SEPTIN1: variants seen among roughly 807,000 people sequenced by gnomAD.
The protein encoded by SEPTIN1 is septin 1.
In SEPTIN1, 52 loss-of-function variants were observed where a neutral mutation model predicts 50.7. The observed-to-expected ratio is 1.03, with a 90% CI of 0.82 to 1.29. The LOEUF (loss-of-function observed/expected upper bound fraction) is 1.29, where lower values mean the gene tolerates loss of function less well. Among genes scored for constraint, SEPTIN1 ranks in the 50% most tolerant of loss-of-function variants. SEPTIN1 has a pLI of 0.00. For synonymous variants in SEPTIN1, 204 were observed against 189.1 expected (o/e 1.08, Z -0.65); for missense variants, 455 against 490.7 (o/e 0.93, Z 0.69).
At position 30,378,916 on chromosome 16, in the gene SEPTIN1, TG is replaced by T. The variant is rs1291510438; in HGVS notation, c.941+101del. 8.1e-6 allele frequency: 9 copies of T among 1,108,362 alleles called. No individual in the cohort carries two copies. In the East Asian group the frequency reaches 2.3e-4, roughly 29 times the overall value. The allele number at this position is 1,108,362 out of a possible 1,614,324, so 68.7% of individuals were successfully genotyped here. A position where few individuals can be genotyped will look rare whatever the true frequency, so the allele number is the denominator to read the frequency against. ...GGAGGGAGGGAGAGAGAAGTCTGAG[TG>T]GTGAAGGCGGAGTCACGGGTGGTGG... On this transcript the variant is annotated intron_variant, in intron 9 of 10. Transcript: ENST00000321367.
chr16:30,378,667 CG>C lies in SEPTIN1; in HGVS notation c.974del (p.Pro325ArgfsTer13). The C allele has an allele frequency of 3.7e-6, 6 of 1,609,488 alleles. No individual in the cohort carries two copies. The highest frequency in any genetic ancestry group is 5.1e-6 in the Non-Finnish European group (6 of 1,179,876). On this transcript the variant is annotated frameshift_variant, in exon 10 of 11. Transcript: ENST00000321367. LOFTEE classifies it high-confidence loss of function. Reference protein sequence around the residue: ...KLSRQSATEIPLPMLPLADTE... With the variant: ...KLSRQSATEIXLPMLPLADTE... Reference sequence around the variant, plus strand: ...TGTCCGCCAGAGGCAGCATGGGCAGCGGGATCTCTGTGGCGCTCTGGCGGGA... The same window carrying C: ...TGTCCGCCAGAGGCAGCATGGGCAGCGGATCTCTGTGGCGCTCTGGCGGGA...
At chr16:30,380,991 C>T in intron 6 of SEPTIN1, 136 bp downstream of exon 6, 1 of 777,892 alleles carries the variant, frequency 1.3e-6, no homozygotes, top group Non-Finnish European at 2.2e-6. Flanking sequence ...TTACCACCCG[C>T]CTTCCTCAGA....
intron 9 of SEPTIN1, 151 bp downstream of exon 9, chr16:30,378,867 A>AGGGGGAGAGAGGGAGG: frequency 4.8e-6 from 2 of 414,274 alleles, no homozygotes; most frequent in Non-Finnish European, 4.0e-6. Context: ...AGAGAGGGAG[A>AGGGGGAGAGAGGGAGG]GACGGAGAGA....
upstream of SEPTIN1, chr16:30,382,747 A>C (rs1480031268): frequency 5.9e-6 from 9 of 1,536,158 alleles, no homozygotes; most frequent in Non-Finnish European, 7.8e-6. This position sits in a 1 kb window ranked among gnomAD's most constrained non-coding sequence, Gnocchi z 4.8. Context: ...TCAACCCTCC[A>C]TCCTTCACAC....
rs2049822340 is a variant in SEPTIN1 at position 30,379,994 on chromosome 16, G to A, written c.613C>T (p.Gln205Ter). The A allele has an allele frequency of 6.2e-7, 1 of 1,612,018 alleles. No homozygotes were observed. ...TCATCAGAGTCACATTCGGGGAACT[G>A]GTAGATGTGGATCTCCTCTTCCTTC... Reference protein sequence around the residue: ...QLKEEEIHIYQFPECDSDEDE... With the variant: ...QLKEEEIHIY The change falls in exon 7 of 11, where the codon CAG becomes TAG. Residue 205 changes from glutamine (Q) to a stop codon, truncating the protein, a stop_gained. Transcript: ENST00000321367. LOFTEE classifies it high-confidence loss of function.
Position 30,382,260 on chromosome 16 carries a change from C to A in SEPTIN1, c.109+15G>T. 1.2e-6 allele frequency: 2 copies of A among 1,613,368 alleles called. No homozygotes were observed. ...GGACATCCCCTCCGCAGTTCCCTCTCCAAAACCCCCAGACCTGCCACCATT... is the reference window on the plus strand; with the variant it reads ...GGACATCCCCTCCGCAGTTCCCTCTACAAAACCCCCAGACCTGCCACCATT... On this transcript the variant is annotated intron_variant, in intron 2 of 10. Coordinates refer to ENST00000321367, the MANE Select transcript of SEPTIN1 (RefSeq NM_001365977.2). This position sits in a 1 kb window ranked among gnomAD's most constrained non-coding sequence, Gnocchi z 4.8.
Position 30,381,734 on chromosome 16 carries a change from C to T in SEPTIN1, c.320+26G>A. On this transcript the variant is annotated intron_variant, in intron 4 of 10. Transcript: ENST00000321367. This position sits in a 1 kb window ranked among gnomAD's most constrained non-coding sequence, Gnocchi z 4.3. Reference sequence around the variant, plus strand: ...GGAGTCGCCACTGTGAAAGGCTGAGCCTCTGTCCCCTTTCCTCTTCCTCAC... The same window carrying T: ...GGAGTCGCCACTGTGAAAGGCTGAGTCTCTGTCCCCTTTCCTCTTCCTCAC... The T allele has an allele frequency of 1.9e-6, 3 of 1,612,588 alleles. No homozygotes were observed. Among genetic ancestry groups the T allele is most frequent in the Non-Finnish European group, 2.5e-6 (3 of 1,179,316 alleles).
rs1440171581 is a variant in SEPTIN1, at chr16:30,378,212, C to A, written c.*222G>T. On this transcript the variant is annotated 3_prime_UTR_variant, in exon 11 of 11. Coordinates refer to ENST00000321367, the MANE Select transcript of SEPTIN1 (RefSeq NM_001365977.2). Reference sequence around the variant, plus strand: ...GGACTCCGGAAGACAGTGATGCGGTCGGAGATTGTGCAGGCCCCGGGCCGG... The same window carrying A: ...GGACTCCGGAAGACAGTGATGCGGTAGGAGATTGTGCAGGCCCCGGGCCGG... 1.0e-5 allele frequency: 7 copies of A among 686,570 alleles called. No individual in the cohort carries two copies. The East Asian group carries it at 1.9e-4, about 19-fold the overall frequency. 42.5% of individuals were successfully genotyped at this position (686,570 alleles called of 1,614,324 possible).
chr16:30,382,055 CAG>C lies in SEPTIN1; in HGVS notation c.196+36_196+37del, dbSNP rs751272629. On this transcript the variant is annotated intron_variant, in intron 3 of 10. Coordinates refer to ENST00000321367, the MANE Select transcript of SEPTIN1 (RefSeq NM_001365977.2). This position sits in a 1 kb window ranked among gnomAD's most constrained non-coding sequence, Gnocchi z 4.8. ...AAAAGACTAGGGTGTAACCTGGGGA[CAG>C]GGGCTACTGCCTCAAGAGGGTGGGG... 6.3e-7 allele frequency: 1 copy of C among 1,583,218 alleles called. No individual in the cohort carries two copies. The highest frequency in any genetic ancestry group is 1.8e-5 in the Admixed American group (1 of 54,376).
In SEPTIN1 at chr16:30,379,942, G is replaced by C; in HGVS notation, c.665C>G (p.Ala222Gly). The change falls in exon 7 of 11, where the codon GCA becomes GGA. Residue 222 changes from alanine to glycine, a missense_variant. Physicochemically the swap from Ala to Gly is moderately conservative, Grantham distance 60. Coordinates refer to ENST00000321367, the MANE Select transcript of SEPTIN1 (RefSeq NM_001365977.2). Reference protein sequence around the residue: ...DEDEDFKRQDAEMKESIPFAV... With the variant: ...DEDEDFKRQDGEMKESIPFAV... The stretch of plus-strand genomic sequence containing the variant: ...CTTTGTTTCCCACACCTTCATCTCT[G>C]CATCCTGCCTCTTGAAGTCTTCATC... 6.5e-7 allele frequency: 1 copy of C among 1,538,330 alleles called. No homozygotes were observed. Among genetic ancestry groups the C allele is most frequent in the Non-Finnish European group, 9.0e-7 (1 of 1,112,436 alleles).
In SEPTIN1 at chr16:30,382,367, T is replaced by C; in HGVS notation, c.19-2A>G. The C allele has an allele frequency of 1.2e-6, 2 of 1,609,166 alleles. No individual in the cohort carries two copies. The highest frequency in any genetic ancestry group is 1.7e-6 in the Non-Finnish European group (2 of 1,177,058). On this transcript the variant is annotated splice_acceptor_variant, in intron 1 of 10. Coordinates refer to ENST00000321367, the MANE Select transcript of SEPTIN1 (RefSeq NM_001365977.2). LOFTEE classifies it high-confidence loss of function. This position sits in a 1 kb window ranked among gnomAD's most constrained non-coding sequence, Gnocchi z 4.8. ...AGCAAAACCCACGTACTCCTTGTCCTATGGATGGGGGTGGACAATATGAGG... is the reference window on the plus strand; with the variant it reads ...AGCAAAACCCACGTACTCCTTGTCCCATGGATGGGGGTGGACAATATGAGG...
chr16:30,382,372 A>T lies in SEPTIN1; in HGVS notation c.19-7T>A, dbSNP rs1385179926. On this transcript the variant is annotated splice_polypyrimidine_tract_variant and splice_region_variant and intron_variant, in intron 1 of 10. Coordinates refer to ENST00000321367, the MANE Select transcript of SEPTIN1 (RefSeq NM_001365977.2). This position sits in a 1 kb window ranked among gnomAD's most constrained non-coding sequence, Gnocchi z 4.8. ...AACCCACGTACTCCTTGTCCTATGG[A>T]TGGGGGTGGACAATATGAGGCTGCT... 1 of 1,606,492 alleles carries T rather than the reference A, an allele frequency of 6.2e-7. No homozygotes were observed. The highest frequency in any genetic ancestry group is 8.5e-7 in the Non-Finnish European group (1 of 1,175,332).
Position 30,381,978 on chromosome 16 carries a change from G to C in SEPTIN1, c.197-95C>G. 6.2e-7 allele frequency: 1 copy of C among 1,603,620 alleles called. No individual in the cohort carries two copies. Among genetic ancestry groups the C allele is most frequent in the South Asian group, 1.1e-5 (1 of 90,294 alleles). ...CACAGTTGCCTGCACCCATTTCCCAGGGGAGGAAAGTCTCAGAAAAAAAGC... is the reference window on the plus strand; with the variant it reads ...CACAGTTGCCTGCACCCATTTCCCACGGGAGGAAAGTCTCAGAAAAAAAGC... On this transcript the variant is annotated intron_variant, in intron 3 of 10. Coordinates refer to ENST00000321367, the MANE Select transcript of SEPTIN1 (RefSeq NM_001365977.2). This position sits in a 1 kb window ranked among gnomAD's most constrained non-coding sequence, Gnocchi z 4.3.
chr16:30,379,495 C>T lies in SEPTIN1; in HGVS notation c.715G>A (p.Val239Met). The T allele has an allele frequency of 6.2e-7, 1 of 1,614,012 alleles. No homozygotes were observed. The highest frequency in any genetic ancestry group is 8.5e-7 in the Non-Finnish European group (1 of 1,180,018). ...ACCGGCCGGTTCCCGCCATCCCTCA[C>T]CACCTCGCATGATCCCACGACTGCA... Reference protein sequence around the residue: ...PFAVVGSCEVVRDGGNRPVRG... With the variant: ...PFAVVGSCEVMRDGGNRPVRG... Residue 239 changes from valine to methionine, a missense_variant, in exon 8 of 11, where the codon GTG becomes ATG. Physicochemically the swap from Val to Met is conservative, Grantham distance 21. Transcript: ENST00000321367.
intron 6 of SEPTIN1, 86 bp from the exon 7 acceptor site, chr16:30,380,119 C>T (rs1184423542): frequency 2.7e-6 from 3 of 1,131,958 alleles, no homozygotes; most frequent in East Asian, 2.7e-5. Context: ...CACAGAGATA[C>T]TGGGTGGTCA....
At position 30,379,046 on chromosome 16, in the gene SEPTIN1, G is replaced by A; in HGVS notation, c.913C>T (p.Pro305Ser). The A allele has an allele frequency of 6.2e-7, 1 of 1,613,642 alleles. No individual in the cohort carries two copies. The highest frequency in any genetic ancestry group is 1.1e-5 in the South Asian group (1 of 91,084). ...RARCLQSLAR[P>S]GARDRASRSK... ...CGGCTGGCTCGATCGCGAGCCCCAG[G>A]CCGGGCCAGGCTCTGTAGGCAGCGG... Residue 305 changes from proline to serine, a missense_variant, in exon 9 of 11, where the codon CCT becomes TCT. Pro to Ser is a moderately conservative substitution (Grantham distance 74). Coordinates refer to ENST00000321367, the MANE Select transcript of SEPTIN1 (RefSeq NM_001365977.2).
rs762761036 is a variant in SEPTIN1, at chr16:30,382,180, C to T, written c.110-1G>A. ...GTGGATTTCCCTAGGCCTGACTCCC[C>T]TGTGGACAGAACAGGCCCAACTGGT... On this transcript the variant is annotated splice_acceptor_variant, in intron 2 of 10. Transcript: ENST00000321367. LOFTEE classifies it high-confidence loss of function. This position sits in a 1 kb window ranked among gnomAD's most constrained non-coding sequence, Gnocchi z 4.8. The T allele has an allele frequency of 1.2e-6, 2 of 1,611,440 alleles. No individual in the cohort carries two copies. The highest frequency in any genetic ancestry group is 1.7e-6 in the Non-Finnish European group (2 of 1,178,810).
intron 8 of SEPTIN1, 46 bp downstream of exon 8, chr16:30,379,389 C>A: frequency 6.4e-7 from 1 of 1,551,954 alleles, no homozygotes. Context: ...ACCCAGAGGC[C>A]CCGGGCTCCC....
At position 30,378,523 on chromosome 16, in the gene SEPTIN1, G is replaced by C; in HGVS notation, c.1033-3C>G. The stretch of plus-strand genomic sequence containing the variant: ...AGCATCTCTTGCATGCGGCGCAGCT[G>C]TGCAGGGCGAGATTGCAGGCGGTGA... On this transcript the variant is annotated splice_region_variant and splice_polypyrimidine_tract_variant and intron_variant, in intron 10 of 10. Transcript: ENST00000321367. 1 of 1,597,012 alleles carries C rather than the reference G, an allele frequency of 6.3e-7. No homozygotes were observed. Among genetic ancestry groups the C allele is most frequent in the South Asian group, 1.1e-5 (1 of 90,060 alleles).
Sources: allele counts gnomAD v4.1 joint callset, GRCh38; gene constraint gnomAD v4.1.1; non-coding constraint Gnocchi (gnomAD v3.1); transcripts MANE v1.5; gene names NCBI Gene and HGNC (gene_info 2026-07-23, HGNC 2026-07-21).